Variants in CTSD observed in about 807,000 individuals in gnomAD.
The protein encoded by CTSD is ceroid-lipofuscinosis, neuronal 10.
Under a neutral mutation model 43.6 loss-of-function variants are expected in CTSD, and 28 were observed. The observed-to-expected ratio is 0.64, with a 90% CI of 0.48 to 0.88. CTSD has a LOEUF of 0.88. Ranked by LOEUF, CTSD falls within the 40% of genes least tolerant of loss-of-function variation. The pLI is 0.00. For missense variants in CTSD, 485 were observed against 555.2 expected (o/e 0.87, Z 1.27); for synonymous variants, 270 against 249.8 (o/e 1.08, Z -0.76).
chr11:1,762,502 C>T (rs1845892949), intron 1 of CTSD: 2 of 152,252 alleles, frequency 1.3e-5, no homozygotes, highest in African/African-American at 4.8e-5. Flanking sequence ...TCATAGCTGG[C>T]TTTTCCTGGC....
chr11:1,754,024 G>A lies in CTSD; in HGVS notation c.942C>T (p.Ala314=), dbSNP rs1845763239. 5 of 1,608,506 alleles carry A rather than the reference G, an allele frequency of 3.1e-6. No homozygotes were observed. Among genetic ancestry groups the A allele is most frequent in the African/African-American group, 1.3e-5 (1 of 74,916 alleles). ...PVDEVRELQK[A]IGAVPLIQGE... ...CCTGAATCAGCGGCACGGCCCCGAT[G>A]GCCTTCTGCAGCTCGCGCACCTCAT... Residue 314 remains alanine, a synonymous_variant, in exon 7 of 9, where the codon GCC becomes GCT. Coordinates refer to ENST00000236671, the MANE Select transcript of CTSD (RefSeq NM_001909.5).
At chr11:1,763,696 TG>T in intron 1 of CTSD, 95 bp downstream of exon 1, 1 of 1,188,858 alleles carries the variant, frequency 8.4e-7, no homozygotes, top group Non-Finnish European at 1.1e-6. Context: ...AAGGGGCTCG[TG>T]GGGGCCACAG....
chr11:1,753,747 T>C (rs973590878), intron 8 of CTSD, 56 bp downstream of exon 8: 22 of 1,604,100 alleles, frequency 1.4e-5, no homozygotes, highest in Non-Finnish European at 1.9e-5. Flanking sequence ...ACCTGGAGCG[T>C]GCGCCCCCTC....
intron 6 of CTSD, 171 bp from the exon 7 acceptor site, chr11:1,754,309 A>C: frequency 1.5e-6 from 1 of 667,066 alleles, no homozygotes; most frequent in Non-Finnish European, 2.5e-6. Context: ...GAGAGGAGAC[A>C]CAGAGTGGTA....
intron 5 of CTSD, among the ~76,000 whole-genome samples, chr11:1,755,718 G>A (rs887526803): frequency 1.5e-4 from 23 of 152,100 alleles, no homozygotes; most frequent in Admixed American, 1.2e-3. Context: ...CTGCCATCCC[G>A]CCAGAGCGTC....
rs369991128 is a variant in CTSD, at chr11:1,754,073, G to T, written c.893C>A (p.Thr298Asn). ...ATCCACCGGGCCCACCATGAGGGAA[G>T]TGCCTGTGTCCACAATGGCCTCACA... ...EGCEAIVDTG[T>N]SLMVGPVDEV... The change falls in exon 7 of 9, where the codon ACT becomes AAT. Residue 298 changes from threonine to asparagine, a missense_variant. Coordinates refer to ENST00000236671, the MANE Select transcript of CTSD (RefSeq NM_001909.5). The T allele has an allele frequency of 6.2e-7, 1 of 1,611,712 alleles. No individual in the cohort carries two copies. Among genetic ancestry groups the T allele is most frequent in the Non-Finnish European group, 8.5e-7 (1 of 1,179,720 alleles).
chr11:1,756,452 A>T (rs1845810325), intron 5 of CTSD, among the ~76,000 whole-genome samples: 1 of 152,142 alleles, frequency 6.6e-6, no homozygotes, highest in African/African-American at 2.4e-5. Flanking sequence ...GCCGGAAGCG[A>T]TCCAAGGTTA....
At position 1,757,446 on chromosome 11, in the gene CTSD, C is replaced by T; in HGVS notation, c.582G>A (p.Lys194=). ...KQPGITFIAA[K]FDGILGMAYP... ...AGGCCATGCCCAGGATGCCATCGAA[C>T]TTGGCTGCGATGAAGGTGATGCCTG... The change falls in exon 5 of 9, where the codon AAG becomes AAA. Residue 194 remains lysine, a synonymous_variant. Transcript: ENST00000236671. The T allele has an allele frequency of 6.2e-7, 1 of 1,614,126 alleles. No individual in the cohort carries two copies. Among genetic ancestry groups the T allele is most frequent in the Non-Finnish European group, 8.5e-7 (1 of 1,180,032 alleles).
intron 2 of CTSD, chr11:1,760,974 CCAG>C (rs1439173481): frequency 7.8e-6 from 3 of 385,292 alleles, no homozygotes; most frequent in Non-Finnish European, 1.5e-5. Flanking sequence ...CACAGGCCTC[CCAG>C]CAGGACAGCA....
At chr11:1,754,843 A>G (rs1845790190) in intron 6 of CTSD, 63 bp downstream of exon 6, 3 of 1,609,932 alleles carry the variant, frequency 1.9e-6, no homozygotes, top group Non-Finnish European at 2.5e-6. Flanking sequence ...GGGGTCCTCC[A>G]GGGTCTCCGC....
At chr11:1,754,644 G>GA (rs1845786784) in intron 6 of CTSD, among the ~76,000 whole-genome samples, 2 of 148,832 alleles carry the variant, frequency 1.3e-5, no homozygotes, top group Non-Finnish European at 3.0e-5. Context: ...TGGACAGAAG[G>GA]GATGGTGGGT....
intron 5 of CTSD, 33 bp from the exon 6 acceptor site, chr11:1,755,061 C>T (rs775147601): frequency 1.2e-5 from 19 of 1,612,876 alleles, no homozygotes; most frequent in African/African-American, 4.0e-5. Context: ...AGCTGCCACG[C>T]CACCCCCCAA....
At chr11:1,756,626 A>C (rs1590905887) in intron 5 of CTSD, among the ~76,000 whole-genome samples, 5 of 143,688 alleles carry the variant, frequency 3.5e-5, no homozygotes, top group African/African-American at 7.9e-5. Context: ...ACCCCCAGTC[A>C]CCCCTCTTAT....
intron 1 of CTSD, among the ~76,000 whole-genome samples, chr11:1,762,818 T>C (rs926785007): frequency 6.6e-6 from 1 of 152,176 alleles, no homozygotes; most frequent in Non-Finnish European, 1.5e-5. Context: ...ACGACTTTAA[T>C]TGGGGCTACC....
intron 6 of CTSD, among the ~76,000 whole-genome samples, 187 bp downstream of exon 6, chr11:1,754,710 AGAGGGGATG>A (rs1364137642): frequency 7.2e-6 from 1 of 138,734 alleles, no homozygotes; most frequent in East Asian, 2.3e-4. Context: ...TAGAGGGAAT[AGAGGGGATG>A]GAGGTGATGG....
At chr11:1,763,674 C>G (rs1454938594) in intron 1 of CTSD, 118 bp downstream of exon 1, 1 of 1,007,056 alleles carries the variant, frequency 9.9e-7, no homozygotes, top group African/African-American at 1.7e-5. Flanking sequence ...TGCATTCCAG[C>G]GCGGGGGGCG....
At chr11:1,754,844 G>C (rs1033522584) in intron 6 of CTSD, 62 bp downstream of exon 6, 1 of 1,610,580 alleles carries the variant, frequency 6.2e-7, no homozygotes, top group Non-Finnish European at 8.5e-7. Context: ...GGGTCCTCCA[G>C]GGTCTCCGCA....
chr11:1,757,635 C>A, intron 4 of CTSD, 79 bp from the exon 5 acceptor site: 1 of 1,173,536 alleles, frequency 8.5e-7, no homozygotes, highest in South Asian at 1.3e-5. Flanking sequence ...CTACAAAACC[C>A]AGTTCAATGG....
chr11:1,761,546 T>C (rs1845878192), intron 1 of CTSD, 78 bp from the exon 2 acceptor site: 1 of 1,496,670 alleles, frequency 6.7e-7, no homozygotes, highest in Non-Finnish European at 9.2e-7. Context: ...CACATCCACC[T>C]GGAGGCCCCT....
Sources: allele counts gnomAD v4.1 joint callset (sites outside exome capture counted in the v4.1 genomes callset), GRCh38; gene constraint gnomAD v4.1.1; transcripts MANE v1.5; gene names NCBI Gene and HGNC (gene_info 2026-07-23, HGNC 2026-07-21).